Variants in NRG1 observed in about 807,000 individuals in gnomAD.
The protein encoded by NRG1 is neuregulin 1, also known as pro-neuregulin-1, membrane-bound isoform.
A neutral mutation model predicts 63.8 loss-of-function variants in NRG1; 18 were observed. The observed-to-expected ratio is 0.28, with a 90% CI of 0.19 to 0.42. The LOEUF (loss-of-function observed/expected upper bound fraction) is 0.42. Ranked by LOEUF, NRG1 falls within the 10% of genes least tolerant of loss-of-function variation. The pLI, the probability that NRG1 is intolerant of heterozygous loss-of-function variation, is 1.00. For missense variants in NRG1, 762 were observed against 814.7 expected, an observed-to-expected ratio of 0.94 and a Z score of 0.79; for synonymous variants, 302 against 301.3, an observed-to-expected ratio of 1.00 and a Z score of -0.02.
At chr8:32,173,825 A>C (rs1160839966) in intron 1 of NRG1, among the ~76,000 whole-genome samples, 4 of 152,202 alleles carry the variant, frequency 2.6e-5, no homozygotes, top group East Asian at 1.9e-4. Context: ...ATACAGGAGC[A>C]CCCAGATTCA....
chr8:32,670,234 G>C (rs1248077286), intron 5 of NRG1, among the ~76,000 whole-genome samples: 2 of 152,186 alleles, frequency 1.3e-5, no homozygotes, highest in Non-Finnish European at 1.5e-5. Context: ...ATTAAGTGCA[G>C]ATGTATTTAG....
At chr8:32,033,707 G>A (rs1292178276) in intron 1 of NRG1, among the ~76,000 whole-genome samples, 1 of 151,990 alleles carries the variant, frequency 6.6e-6, no homozygotes, top group East Asian at 1.9e-4. Context: ...TATCTTTATA[G>A]CAATTGTGAA....
chr8:32,580,760 A>G (rs1313121161), intron 1 of NRG1, among the ~76,000 whole-genome samples: 2 of 152,182 alleles, frequency 1.3e-5, no homozygotes, highest in Non-Finnish European at 2.9e-5. Context: ...CAGTACTGAG[A>G]ATATAATATC....
At chr8:31,903,148 C>CTTTTTTTTT (rs35433200) in intron 1 of NRG1, among the ~76,000 whole-genome samples, 2 of 125,516 alleles carry the variant, frequency 1.6e-5, no homozygotes, top group East Asian at 2.7e-4. Context: ...GAGCCTTCAA[C>CTTTTTTTTT]TTTTTTTTTT....
intron 1 of NRG1, among the ~76,000 whole-genome samples, chr8:31,872,926 A>G (rs1275668208): frequency 1.3e-5 from 2 of 152,200 alleles, no homozygotes; most frequent in Non-Finnish European, 2.9e-5. Context: ...TCCCTTTCCT[A>G]TTCTCAGATT....
At chr8:32,698,569 C>T (rs1039162911) in intron 5 of NRG1, among the ~76,000 whole-genome samples, 2 of 152,118 alleles carry the variant, frequency 1.3e-5, no homozygotes, top group Non-Finnish European at 2.9e-5. Flanking sequence ...GAGGCGTGAG[C>T]ATTCACGGGA....
At chr8:32,235,374 G>A (rs1340576631) in intron 1 of NRG1, among the ~76,000 whole-genome samples, 3 of 152,020 alleles carry the variant, frequency 2.0e-5, no homozygotes, top group Non-Finnish European at 4.4e-5. Flanking sequence ...CTCTACCCTA[G>A]GGTGCAAGAT....
chr8:32,242,380 A>G (rs1331647688), intron 1 of NRG1, among the ~76,000 whole-genome samples: 4 of 152,162 alleles, frequency 2.6e-5, no homozygotes, highest in Non-Finnish European at 5.9e-5. Flanking sequence ...AGGCTTAGGC[A>G]GGAGAATCAC....
intron 1 of NRG1, among the ~76,000 whole-genome samples, chr8:32,162,087 A>T (rs1316584942): frequency 6.6e-6 from 1 of 152,218 alleles, no homozygotes; most frequent in African/African-American, 2.4e-5. Flanking sequence ...CAGAAAATGA[A>T]CTGATTAAAG....
At chr8:32,415,413 A>G (rs1273322664) in intron 1 of NRG1, among the ~76,000 whole-genome samples, 1 of 127,312 alleles carries the variant, frequency 7.9e-6, no homozygotes, top group African/African-American at 3.0e-5. Context: ...ATGTGAAAGG[A>G]AAGAGTTTGC....
chr8:31,847,365 T>G (rs1199829104), intron 1 of NRG1, among the ~76,000 whole-genome samples: 1 of 151,780 alleles, frequency 6.6e-6, no homozygotes, highest in Non-Finnish European at 1.5e-5. Context: ...TAATCTACAC[T>G]TCCATTCATT....
At chr8:32,399,850 T>A (rs1812940232) in intron 1 of NRG1, among the ~76,000 whole-genome samples, 4 of 152,196 alleles carry the variant, frequency 2.6e-5, no homozygotes, top group African/African-American at 9.6e-5. Flanking sequence ...AAGTGTTAAA[T>A]TTTCCATGTC....
At chr8:32,698,685 G>A (rs1475932489) in intron 5 of NRG1, among the ~76,000 whole-genome samples, 1 of 152,208 alleles carries the variant, frequency 6.6e-6, no homozygotes, top group African/African-American at 2.4e-5. Flanking sequence ...TAGCACCAGT[G>A]CTTGGGGAAG....
At chr8:31,819,614 T>C (rs1823809684) in intron 1 of NRG1, among the ~76,000 whole-genome samples, 1 of 152,180 alleles carries the variant, frequency 6.6e-6, no homozygotes, top group Non-Finnish European at 1.5e-5. Flanking sequence ...TTAAAGGGAA[T>C]AACATTAATG....
At chr8:32,540,059 G>T (rs1400708222) in intron 1 of NRG1, among the ~76,000 whole-genome samples, 4 of 152,150 alleles carry the variant, frequency 2.6e-5, no homozygotes, top group African/African-American at 9.7e-5. Context: ...AGTAAAGGAA[G>T]GGTCAAAAGA....
intron 1 of NRG1, among the ~76,000 whole-genome samples, chr8:31,815,586 T>C (rs534158746): frequency 6.6e-6 from 1 of 152,330 alleles, no homozygotes; most frequent in African/African-American, 2.4e-5. Flanking sequence ...GTCCCTGCTT[T>C]CGGTTCTTAT....
chr8:32,130,483 A>G (rs1287797101), intron 1 of NRG1, among the ~76,000 whole-genome samples: 2 of 151,840 alleles, frequency 1.3e-5, no homozygotes, highest in Non-Finnish European at 2.9e-5. Flanking sequence ...AATTGGTGGT[A>G]ATACTGAGGT....
chr8:32,333,305 C>T (rs1409343389), intron 1 of NRG1, among the ~76,000 whole-genome samples: 1 of 152,086 alleles, frequency 6.6e-6, no homozygotes, highest in Non-Finnish European at 1.5e-5. Context: ...TGGCAAAGCC[C>T]TAATTTATTT....
chr8:32,728,861 T>A (rs1320100436), intron 6 of NRG1, among the ~76,000 whole-genome samples: 1 of 151,940 alleles, frequency 6.6e-6, no homozygotes, highest in Non-Finnish European at 1.5e-5. Flanking sequence ...GTCAGGAGAT[T>A]GAGACCATCC....
Sources: gnomAD v4.1 joint callset for allele counts (sites outside exome capture counted in the v4.1 genomes callset) on GRCh38, gnomAD v4.1.1 for gene constraint, MANE v1.5 for transcripts, NCBI Gene and HGNC (gene_info 2026-07-23, HGNC 2026-07-21) for gene names.